The following LRRFIP1 variants were observed in gnomAD, a reference collection of about 807,000 sequenced individuals.
The protein encoded by LRRFIP1 is LRR binding FLII interacting protein 1.
LRRFIP1 carries 62 observed loss-of-function variants against 104.4 expected under a neutral mutation model. The ratio of observed to expected loss-of-function variants is 0.59; its 90% confidence interval spans 0.48 to 0.73. The LOEUF is 0.73. LRRFIP1 is among the 30% of genes least tolerant of loss of function. LRRFIP1 has a pLI of 0.00. For synonymous variants in LRRFIP1, 300 were observed against 299.0 expected (o/e 1.00, Z -0.03); for missense variants, 796 against 824.5 (o/e 0.97, Z 0.42).
At chr2:237,704,604 C>T (rs1224189291) in intron 1 of LRRFIP1, among the ~76,000 whole-genome samples, 1 of 152,190 alleles carries the variant, frequency 6.6e-6, no homozygotes, top group Non-Finnish European at 1.5e-5. Flanking sequence ...TTGAGTTAGG[C>T]AGATTCCAAG....
chr2:237,730,916 T>TCAGA (rs903470884), intron 8 of LRRFIP1, among the ~76,000 whole-genome samples: 4 of 134,520 alleles, frequency 3.0e-5, no homozygotes, highest in African/African-American at 1.2e-4. Flanking sequence ...AGATTCCATC[T>TCAGA]CAGACAAACA....
intron 4 of LRRFIP1, among the ~76,000 whole-genome samples, chr2:237,718,601 C>G (rs973074703): frequency 1.3e-5 from 2 of 152,214 alleles, no homozygotes; most frequent in African/African-American, 4.8e-5. Flanking sequence ...CCTTCTACCT[C>G]TTCCTGTCCC....
intron 16 of LRRFIP1, 68 bp from the exon 17 acceptor site, chr2:237,757,386 TTC>T: frequency 1.0e-6 from 1 of 982,174 alleles, no homozygotes; most frequent in Non-Finnish European, 1.6e-6. Context: ...AGCTCTCAGG[TTC>T]TCTCTCGGGC....
chr2:237,774,681 T>A (rs1156357622), intron 23 of LRRFIP1, among the ~76,000 whole-genome samples: 1 of 152,270 alleles, frequency 6.6e-6, no homozygotes, highest in Non-Finnish European at 1.5e-5. Context: ...CTAGTTCATC[T>A]GTCAGTTTTG....
intron 1 of LRRFIP1, among the ~76,000 whole-genome samples, chr2:237,693,607 GAC>G (rs1463975177): frequency 2.0e-5 from 3 of 152,308 alleles, no homozygotes; most frequent in African/African-American, 7.2e-5. Flanking sequence ...TGGGAAGAGA[GAC>G]CCTTGAATCA....
At chr2:237,733,879 A>T (rs1360818130) in intron 9 of LRRFIP1, 61 bp downstream of exon 9, 4 of 1,550,694 alleles carry the variant, frequency 2.6e-6, no homozygotes, top group Non-Finnish European at 1.8e-6. Context: ...CACCGCCCCC[A>T]CCAAGCCCAG....
chr2:237,701,470 G>C (rs536740885), intron 1 of LRRFIP1, among the ~76,000 whole-genome samples: 1 of 152,228 alleles, frequency 6.6e-6, no homozygotes, highest in African/African-American at 2.4e-5. Flanking sequence ...TCCACTCTGC[G>C]CTCCGCTGGG....
chr2:237,653,301 C>T (rs1452852958), intron 1 of LRRFIP1, among the ~76,000 whole-genome samples: 1 of 151,990 alleles, frequency 6.6e-6, no homozygotes, highest in Non-Finnish European at 1.5e-5. Context: ...TAAATGTAAA[C>T]AAGGAGGTGA....
At chr2:237,764,911 G>A in intron 19 of LRRFIP1, 1 of 985,624 alleles carries the variant, frequency 1.0e-6, no homozygotes, top group South Asian at 4.7e-5. Context: ...TTTTCTGGAA[G>A]TGATATATGT....
At chr2:237,762,932 C>T in intron 19 of LRRFIP1, 1 of 1,614,190 alleles carries the variant, frequency 6.2e-7, no homozygotes, top group Non-Finnish European at 8.5e-7. Context: ...TCCCCTTGAG[C>T]CATCCAACTG....
At chr2:237,696,298 T>C (rs1218938280) in intron 1 of LRRFIP1, among the ~76,000 whole-genome samples, 1 of 152,164 alleles carries the variant, frequency 6.6e-6, no homozygotes, top group East Asian at 1.9e-4. Flanking sequence ...GCTGTGTGAT[T>C]TTCCTAGGGA....
chr2:237,777,504 C>T (rs2061186732), intron 23 of LRRFIP1, among the ~76,000 whole-genome samples: 1 of 152,142 alleles, frequency 6.6e-6, no homozygotes, highest in Middle Eastern at 3.2e-3. Flanking sequence ...TCATTTTCCT[C>T]AATGATTATA....
chr2:237,700,802 G>GC (rs1458006797), intron 1 of LRRFIP1, among the ~76,000 whole-genome samples: 6 of 152,184 alleles, frequency 3.9e-5, no homozygotes, highest in Non-Finnish European at 8.8e-5. Flanking sequence ...CCTGGGCTCT[G>GC]CGGGGGGAGG....
chr2:237,750,326 C>CTTTTTTTTTTTTTTTTTTTTTTTTTTTT (rs928510240), intron 13 of LRRFIP1, among the ~76,000 whole-genome samples: 2 of 60,704 alleles, frequency 3.3e-5, no homozygotes, highest in Non-Finnish European at 6.1e-5. Flanking sequence ...TTCTTTCTTT[C>CTTTTTTTTTTTTTTTTTTTTTTTTTTTT]TTTTTTTTTT....
chr2:237,720,414 A>G (rs1243268457), intron 5 of LRRFIP1, among the ~76,000 whole-genome samples: 2 of 150,616 alleles, frequency 1.3e-5, no homozygotes, highest in Non-Finnish European at 2.9e-5. Context: ...CACCCGGCTA[A>G]TTTTTGTATT....
intron 1 of LRRFIP1, among the ~76,000 whole-genome samples, chr2:237,705,537 C>T (rs1205599632): frequency 5.9e-5 from 9 of 152,018 alleles, no homozygotes; most frequent in Non-Finnish European, 1.0e-4. Flanking sequence ...GTGGCACCTG[C>T]CCTGTAGTGC....
chr2:237,632,883 G>A (rs547613069), intron 1 of LRRFIP1, among the ~76,000 whole-genome samples: 4 of 152,320 alleles, frequency 2.6e-5, no homozygotes, highest in East Asian at 3.9e-4. Flanking sequence ...TCACCTGCAC[G>A]CAACCAAGAT....
At chr2:237,693,553 T>G (rs1296167855) in intron 1 of LRRFIP1, among the ~76,000 whole-genome samples, 2 of 152,218 alleles carry the variant, frequency 1.3e-5, no homozygotes, top group Non-Finnish European at 2.9e-5. Flanking sequence ...GCCAGCCCTC[T>G]GGAGCCGGTT....
At chr2:237,760,249 G>C (rs2059717314) in intron 19 of LRRFIP1, 44 bp downstream of exon 19, 1 of 1,606,690 alleles carries the variant, frequency 6.2e-7, no homozygotes, top group African/African-American at 1.3e-5. Context: ...TTTCCACTCA[G>C]CATTGGTTCA....
Sources: gnomAD v4.1 joint callset for allele counts (sites outside exome capture counted in the v4.1 genomes callset) on GRCh38, gnomAD v4.1.1 for gene constraint, MANE v1.5 for transcripts, NCBI Gene and HGNC (gene_info 2026-07-23, HGNC 2026-07-21) for gene names.